Variants in ATP8B1 observed in about 807,000 individuals in gnomAD.
ATP8B1 encodes ATPase phospholipid transporting 8B1.
A neutral mutation model predicts 149.9 loss-of-function variants in ATP8B1; 80 were observed. The observed-to-expected ratio is 0.53, with a 90% CI of 0.45 to 0.64. ATP8B1 has a LOEUF of 0.64. Ranked by LOEUF, ATP8B1 falls within the 30% of genes least tolerant of loss-of-function variation. The pLI is 0.00. For synonymous variants in ATP8B1, 536 were observed against 562.8 expected, an observed-to-expected ratio of 0.95 and a Z score of 0.67; for missense variants, 1,247 against 1,552.6, an observed-to-expected ratio of 0.80 and a Z score of 3.31.
intron 1 of ATP8B1, among the ~76,000 whole-genome samples, chr18:57,751,736 C>T (rs929642394): frequency 6.6e-6 from 1 of 152,192 alleles, no homozygotes; most frequent in Non-Finnish European, 1.5e-5. Flanking sequence ...CTCCAGCCAC[C>T]TTCTGCTCCC....
At position 57,712,049 on chromosome 18, in the gene ATP8B1, A is replaced by G. The variant is rs546175774; in HGVS notation, c.182-5462T>C. Among the ~76,000 whole-genome samples, 6 of 64,572 alleles carry G rather than the reference A, an allele frequency of 9.3e-5. No individual in the cohort carries two copies. In the South Asian group the frequency reaches 3.4e-3, roughly 36 times the overall value. The allele number at this position is 64,572 out of a possible 152,430, so 42.4% of individuals were successfully genotyped here. A position where few individuals can be genotyped will look rare whatever the true frequency, so the allele number is the denominator to read the frequency against. On this transcript the variant is annotated intron_variant, in intron 2 of 27. Transcript: ENST00000648908. ...GATTCCTCTCCTTCCCTCTATTGGC[A>G]TATATATATATATATATATGGCGAA...
intron 4 of ATP8B1, 141 bp from the exon 5 acceptor site, chr18:57,701,454 A>C: frequency 6.5e-6 from 5 of 769,276 alleles, no homozygotes; most frequent in Non-Finnish European, 1.1e-5. Flanking sequence ...GTATATAGGA[A>C]AGGCTCTTCA....
chr18:57,687,031 G>A (rs940785239), intron 13 of ATP8B1, among the ~76,000 whole-genome samples: 4 of 151,926 alleles, frequency 2.6e-5, no homozygotes, highest in Admixed American at 2.6e-4. Flanking sequence ...TTTTTGCTTT[G>A]TTACCCAAGC....
chr18:57,725,328 G>A (rs2079696677), intron 2 of ATP8B1, among the ~76,000 whole-genome samples: 1 of 151,696 alleles, frequency 6.6e-6, no homozygotes, highest in African/African-American at 2.4e-5. Flanking sequence ...TACCAAAGAA[G>A]TAAAAGATCT....
chr18:57,695,611 T>C, intron 8 of ATP8B1, 79 bp from the exon 9 acceptor site: 1 of 1,049,708 alleles, frequency 9.5e-7, no homozygotes, highest in Non-Finnish European at 1.5e-6. Flanking sequence ...AAAGTTACAT[T>C]AGCCATACCT....
intron 12 of ATP8B1, 63 bp downstream of exon 12, chr18:57,691,744 C>A (rs1912539641): frequency 1.3e-6 from 2 of 1,572,928 alleles, no homozygotes; most frequent in Non-Finnish European, 1.7e-6. Context: ...AATGAAGGCA[C>A]TATGTTGGGA....
intron 20 of ATP8B1, among the ~76,000 whole-genome samples, chr18:57,663,761 AT>A (rs10598900): frequency 0.018 from 1,726 of 97,436 alleles, 14 homozygotes; most frequent in Middle Eastern, 0.036. Context: ...TGCTTTGCCC[AT>A]TTTTTTTTTT....
intron 22 of ATP8B1, among the ~76,000 whole-genome samples, chr18:57,659,434 C>T (rs1910243528): frequency 6.6e-6 from 1 of 152,114 alleles, no homozygotes. Flanking sequence ...GTCTAAGTCA[C>T]ATAATCAGTT....
Position 57,756,694 on chromosome 18 carries a change from T to G in ATP8B1, c.-25-24862A>C, listed in dbSNP as rs1471155433. Among the ~76,000 whole-genome samples, 4 of 151,248 alleles carry G rather than the reference T, an allele frequency of 2.6e-5. No individual in the cohort carries two copies. In the East Asian group the frequency reaches 7.7e-4, roughly 29 times the overall value. On this transcript the variant is annotated intron_variant, in intron 1 of 27. Transcript: ENST00000648908. ...CTCTTTTTAAAACTGAACCTCCCAC[T>G]TTTGGGCTTTCTCTGTCATTTCCTC...
chr18:57,704,987 G>A (rs1471048369), intron 3 of ATP8B1, among the ~76,000 whole-genome samples: 3 of 152,192 alleles, frequency 2.0e-5, no homozygotes, highest in Non-Finnish European at 4.4e-5. Flanking sequence ...GGGAGGCTGA[G>A]GCAGGAGAAT....
intron 1 of ATP8B1, among the ~76,000 whole-genome samples, chr18:57,777,676 C>T (rs923531059): frequency 1.3e-5 from 2 of 152,142 alleles, no homozygotes; most frequent in Non-Finnish European, 2.9e-5. Context: ...TGAAGTGATC[C>T]TCCCACCTCG....
intron 3 of ATP8B1, among the ~76,000 whole-genome samples, chr18:57,704,975 T>C (rs1298740249): frequency 1.3e-5 from 2 of 152,084 alleles, no homozygotes; most frequent in African/African-American, 4.8e-5. Flanking sequence ...TCCCAGATAC[T>C]TGGGAGGCTG....
intron 1 of ATP8B1, among the ~76,000 whole-genome samples, chr18:57,795,237 A>G (rs1424629083): frequency 6.7e-6 from 1 of 148,438 alleles, no homozygotes; most frequent in Non-Finnish European, 1.5e-5. Context: ...ACACACACAC[A>G]TTTTTTTTTT....
intron 15 of ATP8B1, among the ~76,000 whole-genome samples, chr18:57,676,715 T>C: frequency 3.8e-5 from 2 of 52,974 alleles, no homozygotes; most frequent in Non-Finnish European, 4.4e-5. Context: ...GAGACTCCAT[T>C]TCAAAAAAAA....
At chr18:57,675,629 G>A (rs937083507) in intron 15 of ATP8B1, among the ~76,000 whole-genome samples, 19 of 152,052 alleles carry the variant, frequency 1.2e-4, no homozygotes, top group African/African-American at 4.4e-4. Context: ...GATCTCCGGG[G>A]CCCAAGTGAT....
chr18:57,707,420 T>C lies in ATP8B1; in HGVS notation c.182-833A>G, dbSNP rs191766264. ...GACGCACATAATGGAGAGAACTAGG[T>C]GTTGATGAATCCCCACCAAATTGGC... On this transcript the variant is annotated intron_variant, in intron 2 of 27. Coordinates refer to ENST00000648908, the MANE Select transcript of ATP8B1 (RefSeq NM_001374385.1). Among the ~76,000 whole-genome samples the C allele has an allele frequency of 1.7e-3, 247 of 148,150 alleles. 2 individuals are homozygous for C. Among genetic ancestry groups the C allele is most frequent in the African/African-American group, 5.5e-3 (229 of 41,432 alleles).
In ATP8B1 at chr18:57,701,319, A is replaced by G. The variant is rs34988227; in HGVS notation, c.394-6T>C. 89 of 1,610,986 alleles carry G rather than the reference A, an allele frequency of 5.5e-5. No individual in the cohort carries two copies. Among genetic ancestry groups the G allele is most frequent in the Middle Eastern group, 1.6e-4 (1 of 6,084 alleles). On this transcript the variant is annotated splice_region_variant and splice_polypyrimidine_tract_variant and intron_variant, in intron 4 of 27. Transcript: ENST00000648908. ...GTAGAGATTTGAGGAACTGCCTAAA[A>G]GAATAAAAGGGCTTATGTGTGTGTC...
intron 15 of ATP8B1, among the ~76,000 whole-genome samples, chr18:57,682,921 C>G (rs1196081116): frequency 6.6e-6 from 1 of 152,116 alleles, no homozygotes; most frequent in African/African-American, 2.4e-5. Context: ...TCACTGCAGC[C>G]TTGACCTCCT....
intron 16 of ATP8B1, among the ~76,000 whole-genome samples, chr18:57,672,931 T>TATATGTATATAA (rs1301236712): frequency 1.5e-4 from 5 of 33,216 alleles, no homozygotes; most frequent in Non-Finnish European, 2.4e-4. Context: ...TATATATATA[T>TATATGTATATAA]AACATGTATA....
Sources: allele counts gnomAD v4.1 joint callset (sites outside exome capture counted in the v4.1 genomes callset), GRCh38; gene constraint gnomAD v4.1.1; transcripts MANE v1.5; gene names NCBI Gene and HGNC (gene_info 2026-07-23, HGNC 2026-07-21).